Variants in SDK1 observed in about 807,000 individuals in gnomAD.
SDK1 encodes protein sidekick-1.
SDK1 carries 157 observed loss-of-function variants against 245.5 expected under a neutral mutation model. The ratio of observed to expected loss-of-function variants is 0.64; its 90% CI spans 0.56 to 0.73. The LOEUF is 0.73. Among genes scored for constraint, SDK1 ranks in the 30% least tolerant of loss-of-function variants. The pLI is 0.00. For missense variants in SDK1, 3,583 were observed against 3,002.3 expected (o/e 1.19, Z -4.52); for synonymous variants, 1,647 against 1,278.5 (o/e 1.29, Z -6.15).
chr7:3,828,090 T>C (rs41874), intron 5 of SDK1, among the ~76,000 whole-genome samples: 146,218 of 152,208 alleles, frequency 0.96, 70,275 homozygotes, highest in East Asian at 1. Flanking sequence ...CCAGCCTAAC[T>C]AATATGGAAA....
At chr7:3,921,469 A>G (rs1208062784) in intron 5 of SDK1, among the ~76,000 whole-genome samples, 1 of 152,234 alleles carries the variant, frequency 6.6e-6, no homozygotes, top group Non-Finnish European at 1.5e-5. Context: ...TTTCTTTACA[A>G]TAAATTCCCA....
intron 1 of SDK1, among the ~76,000 whole-genome samples, chr7:3,570,841 G>C (rs370816499): frequency 6.7e-6 from 1 of 149,574 alleles, no homozygotes; most frequent in South Asian, 2.1e-4. Flanking sequence ...AGTGACTTTT[G>C]TCAATATATA....
chr7:3,943,320 C>A (rs1194499787), intron 5 of SDK1, among the ~76,000 whole-genome samples: 2 of 151,606 alleles, frequency 1.3e-5, no homozygotes, highest in African/African-American at 4.8e-5. Flanking sequence ...CGCCTTCCCA[C>A]CAGGCTCAAG....
intron 20 of SDK1, among the ~76,000 whole-genome samples, chr7:4,071,427 TG>T (rs762093337): frequency 7.9e-5 from 12 of 152,158 alleles, no homozygotes; most frequent in Non-Finnish European, 1.6e-4. Context: ...ACTCCAGGAA[TG>T]GGGGGAAGTC....
chr7:3,302,476 A>T (rs992554751), intron 1 of SDK1: 1 of 152,054 alleles, frequency 6.6e-6, no homozygotes, highest in Non-Finnish European at 1.5e-5. Flanking sequence ...TTCTCCCTCT[A>T]TTGGCTTCTG....
intron 5 of SDK1, among the ~76,000 whole-genome samples, chr7:3,878,190 A>G (rs765732398): frequency 3.9e-5 from 6 of 152,110 alleles, no homozygotes; most frequent in Middle Eastern, 3.4e-3. Flanking sequence ...TTTTTTTTTC[A>G]TATTAAAAGA....
intron 22 of SDK1, among the ~76,000 whole-genome samples, chr7:4,087,469 A>G (rs1378058735): frequency 8.8e-6 from 1 of 114,190 alleles, no homozygotes; most frequent in Non-Finnish European, 1.7e-5. Flanking sequence ...GTGCACAGAC[A>G]CACACGCGCG....
chr7:3,388,096 G>T (rs1332836973), intron 1 of SDK1, among the ~76,000 whole-genome samples: 6 of 152,160 alleles, frequency 3.9e-5, no homozygotes, highest in East Asian at 1.9e-4. Flanking sequence ...GGAGACTGGG[G>T]TTCTCAGTTC....
intron 4 of SDK1, among the ~76,000 whole-genome samples, chr7:3,649,318 C>T (rs1178167672): frequency 6.6e-6 from 1 of 152,064 alleles, no homozygotes; most frequent in Non-Finnish European, 1.5e-5. Flanking sequence ...ACAAAATGCG[C>T]ATTTTCAAAG....
intron 44 of SDK1, among the ~76,000 whole-genome samples, chr7:4,258,547 C>T (rs886491564): frequency 1.3e-5 from 2 of 152,218 alleles, no homozygotes; most frequent in African/African-American, 4.8e-5. Flanking sequence ...GTATCTCCTC[C>T]CTGCTACTAA....
chr7:3,793,521 G>C (rs555879992), intron 4 of SDK1, among the ~76,000 whole-genome samples: 1 of 152,266 alleles, frequency 6.6e-6, no homozygotes, highest in South Asian at 2.1e-4. Context: ...TTCTTTCTTA[G>C]TGCAAACTTT....
At chr7:3,652,702 G>A (rs1783048102) in intron 4 of SDK1, among the ~76,000 whole-genome samples, 1 of 152,288 alleles carries the variant, frequency 6.6e-6, no homozygotes, top group Non-Finnish European at 1.5e-5. Context: ...GGGCACAGTT[G>A]CAGTTTGTGG....
At chr7:3,991,344 C>G (rs1240349871) in intron 14 of SDK1, among the ~76,000 whole-genome samples, 3 of 152,142 alleles carry the variant, frequency 2.0e-5, no homozygotes, top group African/African-American at 4.8e-5. Flanking sequence ...GATCAAATAT[C>G]ACTTCTGCAA....
At chr7:3,672,796 A>ATATATATATATATACAT (rs1554307151) in intron 4 of SDK1, among the ~76,000 whole-genome samples, 8 of 53,412 alleles carry the variant, frequency 1.5e-4, no homozygotes, top group Non-Finnish European at 1.7e-4. Flanking sequence ...TATATATATA[A>ATATATATATATATACAT]AAAATACAGA....
chr7:4,082,467 G>A (rs1367595181), intron 22 of SDK1, among the ~76,000 whole-genome samples: 2 of 151,320 alleles, frequency 1.3e-5, no homozygotes, highest in African/African-American at 2.4e-5. Context: ...CCTGGGAGGC[G>A]GAGTTTGCAG....
chr7:3,667,745 G>C (rs1236842165), intron 4 of SDK1, among the ~76,000 whole-genome samples: 1 of 152,092 alleles, frequency 6.6e-6, no homozygotes, highest in South Asian at 2.1e-4. Flanking sequence ...TAATGCATCT[G>C]GTACTCATCT....
intron 1 of SDK1, among the ~76,000 whole-genome samples, chr7:3,429,331 G>A (rs1258351168): frequency 1.3e-5 from 2 of 152,068 alleles, no homozygotes; most frequent in African/African-American, 2.4e-5. Context: ...TTGTTAGCAG[G>A]TGTTATAGTT....
At chr7:3,419,086 G>A (rs149744469) in intron 1 of SDK1, among the ~76,000 whole-genome samples, 1 of 152,160 alleles carries the variant, frequency 6.6e-6, no homozygotes, top group African/African-American at 2.4e-5. Flanking sequence ...TTTTTGATCT[G>A]CATTTGATTG....
intron 25 of SDK1, among the ~76,000 whole-genome samples, chr7:4,116,569 A>G (rs956663125): frequency 6.6e-6 from 1 of 152,218 alleles, no homozygotes; most frequent in Admixed American, 6.5e-5. Flanking sequence ...TGTAATGCAC[A>G]GTGGGTTGCA....
Sources: gnomAD v4.1 joint callset for allele counts (sites outside exome capture counted in the v4.1 genomes callset) on GRCh38, gnomAD v4.1.1 for gene constraint, MANE v1.5 for transcripts, NCBI Gene and HGNC (gene_info 2026-07-23, HGNC 2026-07-21) for gene names.